CUX1: variants seen among roughly 807,000 people sequenced by gnomAD.
The protein encoded by CUX1 is cut like homeobox 1.
In CUX1, 31 loss-of-function variants were observed where a neutral mutation model predicts 158.8. The observed-to-expected ratio is 0.20, with a 90% CI of 0.15 to 0.26. CUX1 has a LOEUF of 0.26. Among genes scored for constraint, CUX1 ranks in the 10% least tolerant of loss-of-function variants. CUX1 has a pLI of 1.00. For missense variants in CUX1, 1,589 were observed against 2,014.6 expected, an observed-to-expected ratio of 0.79 and a Z score of 4.04; for synonymous variants, 879 against 862.1, an observed-to-expected ratio of 1.02 and a Z score of -0.34.
At chr7:101,824,971 A>G (rs1584658784) in intron 1 of CUX1, among the ~76,000 whole-genome samples, 4 of 152,148 alleles carry the variant, frequency 2.6e-5, no homozygotes, top group Admixed American at 2.6e-4. Context: ...GAAACATATT[A>G]TTTTCTGTTT....
intron 2 of CUX1, among the ~76,000 whole-genome samples, chr7:101,977,105 G>A (rs2129206150): frequency 6.6e-6 from 1 of 151,814 alleles, no homozygotes; most frequent in South Asian, 2.1e-4. Context: ...TAGAGATGGG[G>A]CTTCACCATG....
At chr7:101,913,499 T>G in intron 1 of CUX1, 14 of 1,002,760 alleles carry the variant, frequency 1.4e-5, no homozygotes, top group Non-Finnish European at 1.7e-5. Context: ...GCAGGCTCTC[T>G]GACAGATCAG....
At chr7:101,886,343 G>A (rs1247037742) in intron 1 of CUX1, among the ~76,000 whole-genome samples, 6 of 152,068 alleles carry the variant, frequency 3.9e-5, no homozygotes, top group Admixed American at 6.6e-5. Flanking sequence ...ATAGGTGTGC[G>A]CCGCCATGCC....
At chr7:102,111,845 CCG>C in intron 7 of CUX1, 71 bp downstream of exon 7, 2 of 1,377,050 alleles carry the variant, frequency 1.5e-6, no homozygotes, top group South Asian at 1.2e-5. Flanking sequence ...CAGCCCCTGA[CCG>C]CCCCGGTCCC....
intron 2 of CUX1, among the ~76,000 whole-genome samples, chr7:101,980,724 G>T (rs1813325839): frequency 6.6e-6 from 1 of 152,106 alleles, no homozygotes; most frequent in Non-Finnish European, 1.5e-5. Flanking sequence ...CAGCCAGCCA[G>T]CCGTCTCCTA....
intron 2 of CUX1, among the ~76,000 whole-genome samples, chr7:102,013,041 T>C (rs555089600): frequency 4.6e-4 from 70 of 151,866 alleles, no homozygotes; most frequent in South Asian, 4.2e-3. Context: ...TTCGCTAAGA[T>C]GTAGCAAGAA....
chr7:101,901,422 T>C (rs1420168522), intron 1 of CUX1, among the ~76,000 whole-genome samples: 2 of 151,888 alleles, frequency 1.3e-5, no homozygotes, highest in Non-Finnish European at 2.9e-5. Context: ...GCCTCCCGAG[T>C]AACTGGGATT....
Position 101,872,743 on chromosome 7 carries a change from T to A in CUX1, c.31-43372T>A, listed in dbSNP as rs182155610. ...GGTTAAAGTTTTCAAGATGAGGGTA[T>A]TTTTTCCCCCTCTCTGTTAGAGAAT... On this transcript the variant is annotated intron_variant, in intron 1 of 23. Transcript: ENST00000292535. Among the ~76,000 whole-genome samples, 578 of 150,122 alleles carry A rather than the reference T, an allele frequency of 3.9e-3. 2 individuals are homozygous for A. The highest frequency in any genetic ancestry group is 6.0e-3 in the Non-Finnish European group (409 of 67,986).
At chr7:102,164,187 C>G (rs1278228452) in intron 9 of CUX1, among the ~76,000 whole-genome samples, 3 of 152,196 alleles carry the variant, frequency 2.0e-5, no homozygotes, top group Non-Finnish European at 2.9e-5. Flanking sequence ...GCCCGCCCAC[C>G]ACCCCTCCGG....
At chr7:102,001,518 A>G (rs1816686061) in intron 2 of CUX1, among the ~76,000 whole-genome samples, 1 of 151,924 alleles carries the variant, frequency 6.6e-6, no homozygotes, top group African/African-American at 2.4e-5. Context: ...TAATTTTTGT[A>G]TATTTAGTAG....
intron 1 of CUX1, among the ~76,000 whole-genome samples, chr7:101,864,857 A>G (rs1332966181): frequency 1.3e-5 from 2 of 152,152 alleles, no homozygotes; most frequent in Non-Finnish European, 2.9e-5. Context: ...AGCCTAATAG[A>G]TAGTTATTTT....
intron 2 of CUX1, among the ~76,000 whole-genome samples, chr7:102,019,322 G>T (rs1819064633): frequency 6.6e-6 from 1 of 152,050 alleles, no homozygotes; most frequent in South Asian, 2.1e-4. Flanking sequence ...CTGCCTCCCG[G>T]GTTCAAGCAA....
chr7:102,053,781 A>G (rs1376525652), intron 3 of CUX1, among the ~76,000 whole-genome samples: 1 of 140,336 alleles, frequency 7.1e-6, no homozygotes, highest in Non-Finnish European at 1.6e-5. Context: ...CAAAACTTCC[A>G]TTCTGTGGGT....
At chr7:101,873,222 T>C (rs1183448104) in intron 1 of CUX1, among the ~76,000 whole-genome samples, 1 of 150,428 alleles carries the variant, frequency 6.6e-6, no homozygotes, top group Non-Finnish European at 1.5e-5. Flanking sequence ...AGTTCCATAG[T>C]ACATGTGCAG....
chr7:102,134,312 G>A (rs1375273892), intron 8 of CUX1, among the ~76,000 whole-genome samples: 6 of 152,062 alleles, frequency 3.9e-5, no homozygotes, highest in African/African-American at 1.4e-4. Flanking sequence ...ACTTCAGCCT[G>A]GGCAACAGAG....
intron 1 of CUX1, among the ~76,000 whole-genome samples, chr7:101,837,663 CA>C (rs1794768409): frequency 6.6e-6 from 1 of 150,672 alleles, no homozygotes; most frequent in Admixed American, 6.6e-5. Flanking sequence ...ACCCTCTCTA[CA>C]AAAAAAATCC....
At chr7:102,035,182 A>G (rs1821283817) in intron 3 of CUX1, among the ~76,000 whole-genome samples, 1 of 152,096 alleles carries the variant, frequency 6.6e-6, no homozygotes, top group Admixed American at 6.6e-5. Flanking sequence ...AGAGAAGACA[A>G]AAAGAAATAA....
intron 1 of CUX1, among the ~76,000 whole-genome samples, chr7:101,838,463 A>C (rs757368226): frequency 6.6e-6 from 1 of 151,184 alleles, no homozygotes; most frequent in South Asian, 2.1e-4. Flanking sequence ...CTTGTTGTCT[A>C]TGTCATTCCC....
chr7:101,882,073 C>G (rs912759508), intron 1 of CUX1, among the ~76,000 whole-genome samples: 1 of 151,370 alleles, frequency 6.6e-6, no homozygotes, highest in Admixed American at 6.6e-5. Flanking sequence ...AGTCCCATCT[C>G]CTCGGGAGGC....
Sources: allele counts gnomAD v4.1 joint callset (sites outside exome capture counted in the v4.1 genomes callset), GRCh38; gene constraint gnomAD v4.1.1; transcripts MANE v1.5; gene names NCBI Gene and HGNC (gene_info 2026-07-23, HGNC 2026-07-21).